LIN28B: variants seen among roughly 807,000 people sequenced by gnomAD.
LIN28B encodes the protein lin-28 RNA binding posttranscriptional regulator B.
In LIN28B, 5 loss-of-function variants were observed where a neutral mutation model predicts 21.9. That is an observed-to-expected ratio of 0.23 (90% CI 0.12 to 0.48). The LOEUF is 0.48. Ranked by LOEUF, LIN28B falls within the 20% of genes least tolerant of loss-of-function variation. The pLI is 0.98. For synonymous variants in LIN28B, 109 were observed against 111.3 expected (o/e 0.98, Z 0.13); for missense variants, 245 against 310.5 (o/e 0.79, Z 1.58).
intron 2 of LIN28B, among the ~76,000 whole-genome samples, chr6:104,989,599 T>TC (rs1770419475): frequency 6.9e-6 from 1 of 145,348 alleles, no homozygotes; most frequent in Non-Finnish European, 1.5e-5. Context: ...TTTTTTTTTT[T>TC]TTGCATTTTT....
chr6:105,079,938 G>A lies in LIN28B; in HGVS notation c.*1155G>A, dbSNP rs1303770529. 1 of 152,162 alleles carries A rather than the reference G, an allele frequency of 6.6e-6. No homozygotes were observed. The highest frequency in any genetic ancestry group is 1.5e-5 in the Non-Finnish European group (1 of 68,030). The allele number at this position is 152,162 out of a possible 1,614,324, so 9.4% of individuals were successfully genotyped here. On this transcript the variant is annotated 3_prime_UTR_variant, in exon 4 of 4. Coordinates refer to ENST00000345080, the MANE Select transcript of LIN28B (RefSeq NM_001004317.4). ...AATATATATGACCTGCAAATGATACGAAAAAGTGCAGCATTTAGTGGCAGT... is the reference window on the plus strand; with the variant it reads ...AATATATATGACCTGCAAATGATACAAAAAAGTGCAGCATTTAGTGGCAGT...
At chr6:105,039,350 A>G (rs1206683650) in intron 3 of LIN28B, among the ~76,000 whole-genome samples, 6 of 152,226 alleles carry the variant, frequency 3.9e-5, no homozygotes, top group East Asian at 1.9e-4. Flanking sequence ...AAATGTCTGT[A>G]AATGAGAATT....
chr6:105,079,344 C>T lies in LIN28B; in HGVS notation c.*561C>T, dbSNP rs931968319. 1.3e-5 allele frequency: 2 copies of T among 152,582 alleles called. No individual in the cohort carries two copies. The highest frequency in any genetic ancestry group is 4.8e-5 in the African/African-American group (2 of 41,440). 9.5% of individuals were successfully genotyped at this position (152,582 alleles called of 1,614,324 possible). ...GGGTACTAAAGGTTTTTAAGACATCCAGTTCTCCCGAATTTGGGATTGCCT... is the reference window on the plus strand; with the variant it reads ...GGGTACTAAAGGTTTTTAAGACATCTAGTTCTCCCGAATTTGGGATTGCCT... On this transcript the variant is annotated 3_prime_UTR_variant, in exon 4 of 4. Coordinates refer to ENST00000345080, the MANE Select transcript of LIN28B (RefSeq NM_001004317.4).
intron 3 of LIN28B, among the ~76,000 whole-genome samples, chr6:105,062,188 A>C (rs936479205): frequency 6.6e-6 from 1 of 151,976 alleles, no homozygotes; most frequent in African/African-American, 2.4e-5. Context: ...CAGGGCTCTC[A>C]GAGTCAGCCT....
At chr6:105,059,768 T>A (rs1772091464) in intron 3 of LIN28B, among the ~76,000 whole-genome samples, 1 of 152,240 alleles carries the variant, frequency 6.6e-6, no homozygotes, top group Non-Finnish European at 1.5e-5. Flanking sequence ...ATGTTTTTAT[T>A]GCATTTGACA....
At chr6:104,948,552 TTA>T (rs1778184806) in intron 2 of LIN28B, among the ~76,000 whole-genome samples, 2 of 152,210 alleles carry the variant, frequency 1.3e-5, no homozygotes, top group Admixed American at 6.5e-5. Context: ...ATTTGAAGAA[TTA>T]TTTTAACTCC....
At chr6:104,945,895 T>C (rs1169840921) in intron 2 of LIN28B, among the ~76,000 whole-genome samples, 1 of 152,046 alleles carries the variant, frequency 6.6e-6, no homozygotes, top group African/African-American at 2.4e-5. Context: ...TGTTTTTATT[T>C]TCCAAAATAA....
chr6:105,064,711 T>G lies in LIN28B; in HGVS notation c.384-13703T>G, dbSNP rs539143368. ...GGCTCAAGTATTGCCCAAACAAATT[T>G]ACCTCCTTTTACCACACCAGTCAGG... On this transcript the variant is annotated intron_variant, in intron 3 of 3. Coordinates refer to ENST00000345080, the MANE Select transcript of LIN28B (RefSeq NM_001004317.4). 2.6e-4 allele frequency among the ~76,000 whole-genome samples: 40 copies of G among 152,342 alleles called. No homozygotes were observed. The East Asian group carries it at 4.4e-3, about 17-fold the overall frequency.
chr6:105,028,020 A>G (rs1019804583), intron 3 of LIN28B, among the ~76,000 whole-genome samples: 6 of 152,230 alleles, frequency 3.9e-5, no homozygotes, highest in Non-Finnish European at 8.8e-5. Context: ...CTTAGCTATT[A>G]AAGTGGTTTT....
intron 2 of LIN28B, among the ~76,000 whole-genome samples, chr6:105,016,724 A>G (rs867049032): frequency 3.9e-5 from 6 of 152,108 alleles, no homozygotes; most frequent in Admixed American, 2.0e-4. Context: ...ATGAAAAATT[A>G]TGATCTTTCC....
chr6:105,026,743 T>C (rs1032851767), intron 3 of LIN28B, among the ~76,000 whole-genome samples: 6 of 152,036 alleles, frequency 3.9e-5, no homozygotes, highest in Non-Finnish European at 7.4e-5. Flanking sequence ...AGTTGAGGAG[T>C]TGAAGTTCCC....
intron 2 of LIN28B, among the ~76,000 whole-genome samples, chr6:104,979,345 T>TTACA (rs1373011222): frequency 1.3e-5 from 2 of 151,950 alleles, no homozygotes; most frequent in Non-Finnish European, 2.9e-5. Flanking sequence ...GAGTAGCTGA[T>TTACA]TACAGGTGTG....
chr6:104,971,731 C>A (rs934446210), intron 2 of LIN28B, among the ~76,000 whole-genome samples: 2 of 152,016 alleles, frequency 1.3e-5, no homozygotes, highest in African/African-American at 2.4e-5. Context: ...AATGTTTCAA[C>A]TTCTGTTTAC....
intron 3 of LIN28B, among the ~76,000 whole-genome samples, chr6:105,067,346 CACT>C (rs777945997): frequency 6.6e-6 from 1 of 152,162 alleles, no homozygotes; most frequent in Non-Finnish European, 1.5e-5. Flanking sequence ...ATAGTTAAAA[CACT>C]ACAACAGCAA....
chr6:105,071,325 C>T (rs1339171087), intron 3 of LIN28B, among the ~76,000 whole-genome samples: 1 of 152,056 alleles, frequency 6.6e-6, no homozygotes, highest in African/African-American at 2.4e-5. Flanking sequence ...CTTTGCATGT[C>T]AATACATATA....
chr6:105,001,005 G>A (rs1315210192), intron 2 of LIN28B, among the ~76,000 whole-genome samples: 1 of 152,136 alleles, frequency 6.6e-6, no homozygotes, highest in Admixed American at 6.5e-5. Flanking sequence ...ACATTTATGT[G>A]TATATTTTAT....
Position 104,957,655 on chromosome 6 carries a change from C to T in LIN28B, c.10+395C>T, listed in dbSNP as rs1149276. 2.0e-3 allele frequency among the ~76,000 whole-genome samples: 302 copies of T among 152,180 alleles called. 1 individual carries two copies. The highest frequency in any genetic ancestry group is 6.9e-3 in the African/African-American group (288 of 41,526). On this transcript the variant is annotated intron_variant, in intron 1 of 3. Coordinates refer to ENST00000345080, the MANE Select transcript of LIN28B (RefSeq NM_001004317.4). ...GCAAATAACGCTGGATTCAGTGCTG[C>T]CCCATGTGCCTTAACTAGTAGCTCT...
At chr6:105,022,379 G>A (rs575727708) in intron 2 of LIN28B, among the ~76,000 whole-genome samples, 1 of 152,174 alleles carries the variant, frequency 6.6e-6, no homozygotes, top group South Asian at 2.1e-4. Context: ...CCAGAATGAT[G>A]ATTCAAAAAT....
At chr6:105,066,007 A>G (rs778603050) in intron 3 of LIN28B, among the ~76,000 whole-genome samples, 3 of 152,146 alleles carry the variant, frequency 2.0e-5, no homozygotes, top group Non-Finnish European at 4.4e-5. Flanking sequence ...CCTCGTCTCC[A>G]CTAAAAATAC....
Sources: gnomAD v4.1 joint callset for allele counts (sites outside exome capture counted in the v4.1 genomes callset) on GRCh38, gnomAD v4.1.1 for gene constraint, MANE v1.5 for transcripts, NCBI Gene and HGNC (gene_info 2026-07-23, HGNC 2026-07-21) for gene names.